The following GTF2E1 variants were observed in gnomAD, a reference collection of about 807,000 sequenced individuals.
GTF2E1 encodes TFIIE alpha subunit.
In GTF2E1, 14 loss-of-function variants were observed where a neutral mutation model predicts 34.9. The ratio of observed to expected loss-of-function variants is 0.40; its 90% CI spans 0.27 to 0.63. GTF2E1 has a LOEUF of 0.63. GTF2E1 is among the 20% of genes least tolerant of loss of function. GTF2E1 has a pLI of 0.39. For missense variants in GTF2E1, 469 were observed against 557.7 expected (o/e 0.84, Z 1.60); for synonymous variants, 188 against 192.9 (o/e 0.97, Z 0.21).
At position 120,782,014 on chromosome 3, in the gene GTF2E1, T is replaced by G. The variant is rs1321928248; in HGVS notation, c.*544T>G. 1 of 153,730 alleles carries G rather than the reference T, an allele frequency of 6.5e-6. No individual in the cohort carries two copies. Among genetic ancestry groups the G allele is most frequent in the Non-Finnish European group, 1.4e-5 (1 of 68,998 alleles). 9.5% of individuals were successfully genotyped at this position (153,730 alleles called of 1,614,324 possible). ...CTTATCTGATTTTTTTCTTGCCTTA[T>G]TAAGACATAATTTTCTCCCTTCTGA... On this transcript the variant is annotated 3_prime_UTR_variant, in exon 5 of 5. Transcript: ENST00000283875.
At chr3:120,746,237 A>G (rs1488898278) in intron 1 of GTF2E1, among the ~76,000 whole-genome samples, 2 of 152,354 alleles carry the variant, frequency 1.3e-5, no homozygotes, top group African/African-American at 2.4e-5. Flanking sequence ...ATAACAGAAT[A>G]TGATTCTCCA....
Position 120,746,999 on chromosome 3 carries a change from G to C in GTF2E1, c.-30-3524G>C, listed in dbSNP as rs1039013270. 7.9e-5 allele frequency among the ~76,000 whole-genome samples: 12 copies of C among 152,174 alleles called. No homozygotes were observed. In the East Asian group the frequency reaches 1.5e-3, roughly 20 times the overall value. On this transcript the variant is annotated intron_variant, in intron 1 of 4. Transcript: ENST00000283875. ...TATCCTTACTTCTTAGCGAGTAAAA[G>C]GTGGCTTGAAATTGTTTAAGGGATT... is the stretch of plus-strand genomic sequence containing the variant.
chr3:120,771,038 C>A, intron 3 of GTF2E1, 109 bp downstream of exon 3: 1 of 864,240 alleles, frequency 1.2e-6, no homozygotes, highest in South Asian at 1.4e-5. Context: ...AGACTCAAGA[C>A]TGTAATGTTA....
intron 2 of GTF2E1, among the ~76,000 whole-genome samples, chr3:120,768,563 G>T (rs1328627063): frequency 6.6e-6 from 1 of 152,122 alleles, no homozygotes; most frequent in Non-Finnish European, 1.5e-5. Context: ...TACAGAACTA[G>T]ATAACTTGTC....
chr3:120,761,786 A>ATTTTT (rs35658998), intron 2 of GTF2E1, among the ~76,000 whole-genome samples: 2 of 120,150 alleles, frequency 1.7e-5, no homozygotes, highest in Non-Finnish European at 3.3e-5. Flanking sequence ...TCTGAGAGAC[A>ATTTTT]TTTTTTTTTT....
chr3:120,759,367 A>AT (rs1709237261), intron 2 of GTF2E1, among the ~76,000 whole-genome samples: 1 of 151,944 alleles, frequency 6.6e-6, no homozygotes, highest in Non-Finnish European at 1.5e-5. Context: ...GATTGCAAAG[A>AT]TTTTCTCCCA....
At chr3:120,764,730 G>A (rs1346649910) in intron 2 of GTF2E1, among the ~76,000 whole-genome samples, 4 of 152,132 alleles carry the variant, frequency 2.6e-5, no homozygotes, top group African/African-American at 7.2e-5. Context: ...CATTTCCAGA[G>A]CACGTACTTG....
chr3:120,757,066 C>T (rs1181759836), intron 2 of GTF2E1, among the ~76,000 whole-genome samples: 2 of 152,040 alleles, frequency 1.3e-5, no homozygotes, highest in African/African-American at 4.8e-5. Context: ...ATACAATATT[C>T]TATTCTTTAT....
intron 2 of GTF2E1, among the ~76,000 whole-genome samples, chr3:120,766,200 C>G (rs1306219921): frequency 6.6e-6 from 1 of 152,146 alleles, no homozygotes; most frequent in Non-Finnish European, 1.5e-5. Context: ...CATTCTGGAC[C>G]TCTGGGATCA....
intron 1 of GTF2E1, chr3:120,750,023 C>A (rs371862355): frequency 3.3e-5 from 5 of 152,886 alleles, no homozygotes; most frequent in African/African-American, 1.2e-4. Flanking sequence ...TTGTCAAACA[C>A]CCCAGGTGGT....
intron 2 of GTF2E1, among the ~76,000 whole-genome samples, chr3:120,765,279 A>G (rs1222564770): frequency 2.0e-5 from 3 of 150,942 alleles, no homozygotes; most frequent in Non-Finnish European, 4.4e-5. Context: ...TAGCTTTGAA[A>G]TATCTATTTA....
Position 120,754,166 on chromosome 3 carries a change from TC to T in GTF2E1, c.448+3167del, listed in dbSNP as rs542444013. Among the ~76,000 whole-genome samples the T allele has an allele frequency of 2.0e-4, 30 of 152,342 alleles. No homozygotes were observed. In the East Asian group the frequency reaches 5.8e-3, roughly 29 times the overall value. ...CTAAGTTAACACTTCTAAGTTAAGT[TC>T]AACAGCATGCTTCTCCTGAAGGGCA... is the stretch of plus-strand genomic sequence containing the variant. On this transcript the variant is annotated intron_variant, in intron 2 of 4. Transcript: ENST00000283875.
intron 2 of GTF2E1, among the ~76,000 whole-genome samples, chr3:120,760,375 CAG>C (rs1197676962): frequency 2.6e-5 from 4 of 152,206 alleles, no homozygotes; most frequent in African/African-American, 9.6e-5. Context: ...CATCTACAAA[CAG>C]AGACAATTTG....
chr3:120,767,736 T>G (rs1709321123), intron 2 of GTF2E1, among the ~76,000 whole-genome samples: 1 of 152,190 alleles, frequency 6.6e-6, no homozygotes, highest in Non-Finnish European at 1.5e-5. Flanking sequence ...GTAATAATGT[T>G]AAAGCTGCTG....
intron 1 of GTF2E1, among the ~76,000 whole-genome samples, chr3:120,748,380 T>G (rs1184780890): frequency 6.6e-6 from 1 of 152,210 alleles, no homozygotes; most frequent in Non-Finnish European, 1.5e-5. Context: ...TTTTATGGTT[T>G]TAGGTCTAAC....
chr3:120,760,092 G>A (rs1047983193), intron 2 of GTF2E1, among the ~76,000 whole-genome samples: 2 of 152,154 alleles, frequency 1.3e-5, no homozygotes, highest in African/African-American at 4.8e-5. Context: ...TCTTCCATTT[G>A]TGTCCTCTTT....
intron 2 of GTF2E1, among the ~76,000 whole-genome samples, chr3:120,757,807 G>A (rs1216601665): frequency 1.3e-5 from 2 of 152,214 alleles, no homozygotes; most frequent in African/African-American, 4.8e-5. Context: ...TTGATTAAGA[G>A]GGAGTTGAAT....
Position 120,755,694 on chromosome 3 carries a change from G to C in GTF2E1, c.448+4694G>C, listed in dbSNP as rs187673682. 2.9e-3 allele frequency among the ~76,000 whole-genome samples: 448 copies of C among 152,156 alleles called. 3 individuals carry two copies. Among genetic ancestry groups the C allele is most frequent in the African/African-American group, 9.9e-3 (412 of 41,504 alleles). On this transcript the variant is annotated intron_variant, in intron 2 of 4. Coordinates refer to ENST00000283875, the MANE Select transcript of GTF2E1 (RefSeq NM_005513.3). ...TTATTGACTATAGTTACCCTGTTGT[G>C]CTATCAAATAGTAGGTCTTATTCAT...
chr3:120,746,160 G>T (rs966268700), intron 1 of GTF2E1, among the ~76,000 whole-genome samples: 1 of 152,078 alleles, frequency 6.6e-6, no homozygotes, highest in East Asian at 1.9e-4. Flanking sequence ...CTTATAAAAA[G>T]AGTATTAAAT....
Sources: gnomAD v4.1 joint callset for allele counts (sites outside exome capture counted in the v4.1 genomes callset) on GRCh38, gnomAD v4.1.1 for gene constraint, MANE v1.5 for transcripts, NCBI Gene and HGNC (gene_info 2026-07-23, HGNC 2026-07-21) for gene names.